Variants in PXDN observed in about 807,000 individuals in gnomAD.
PXDN encodes peroxidasin.
Under a neutral mutation model 140.3 loss-of-function variants are expected in PXDN, and 77 were observed. The ratio of observed to expected loss-of-function variants is 0.55; its 90% CI spans 0.46 to 0.66. The LOEUF is 0.66. Among genes scored for constraint, PXDN ranks in the 30% least tolerant of loss-of-function variants. PXDN has a pLI of 0.00. For synonymous variants in PXDN, 911 were observed against 857.4 expected, an observed-to-expected ratio of 1.06 and a Z score of -1.09; for missense variants, 1,838 against 2,039.5, an observed-to-expected ratio of 0.90 and a Z score of 1.90.
At chr2:1,727,606 C>T (rs1212197646) in intron 1 of PXDN, among the ~76,000 whole-genome samples, 1 of 152,162 alleles carries the variant, frequency 6.6e-6, no homozygotes, top group East Asian at 1.9e-4. Flanking sequence ...TTTTCCTCAG[C>T]CCTCAGTTAG....
At chr2:1,716,440 G>GA (rs550784477) in intron 1 of PXDN, among the ~76,000 whole-genome samples, 2,175 of 58,048 alleles carry the variant, frequency 0.037, 151 homozygotes, top group Non-Finnish European at 0.046. Context: ...TCCATCTCAG[G>GA]AAAAAAAAAA....
In PXDN at chr2:1,685,857, G is replaced by C. The variant is rs1011072144; in HGVS notation, c.417-1706C>G. Among the ~76,000 whole-genome samples the C allele has an allele frequency of 5.9e-5, 9 of 152,066 alleles. No individual in the cohort carries two copies. The highest frequency in any genetic ancestry group is 2.2e-4 in the African/African-American group (9 of 41,404). ...AATTGAGGAAACAGGACCAAAGACA[G>C]GAAATGGCTCCCCAAGTATACTGAG... is the stretch of plus-strand genomic sequence containing the variant. On this transcript the variant is annotated intron_variant, in intron 4 of 22. Transcript: ENST00000252804. This position sits in a 1 kb window ranked among gnomAD's most constrained non-coding sequence, Gnocchi z 5.1.
At chr2:1,638,387 C>T (rs892219054) in intron 21 of PXDN, among the ~76,000 whole-genome samples, 5 of 152,136 alleles carry the variant, frequency 3.3e-5, no homozygotes, top group African/African-American at 1.2e-4. Flanking sequence ...TCCCTGTGGT[C>T]GTACCACAGA....
chr2:1,700,312 T>C (rs1048461715), intron 1 of PXDN, among the ~76,000 whole-genome samples: 1 of 152,160 alleles, frequency 6.6e-6, no homozygotes, highest in Non-Finnish European at 1.5e-5. Context: ...TCTACCCGCC[T>C]CAGGCTCCCA....
chr2:1,712,958 C>A (rs1029090214), intron 1 of PXDN, among the ~76,000 whole-genome samples: 1 of 152,214 alleles, frequency 6.6e-6, no homozygotes, highest in Non-Finnish European at 1.5e-5. Context: ...CTCCTGATCT[C>A]GGGTGATCCA....
At position 1,687,989 on chromosome 2, in the gene PXDN, A is replaced by G. The variant is rs752011135; in HGVS notation, c.345-286T>C. On this transcript the variant is annotated intron_variant, in intron 3 of 22. Transcript: ENST00000252804. This position sits in a 1 kb window ranked among gnomAD's most constrained non-coding sequence, Gnocchi z 4.0. ...TTAGACTATGGCTAATGAATTGCTGACAATACATTTGCTTCAAAGCCTGAA... is the reference window on the plus strand; with the variant it reads ...TTAGACTATGGCTAATGAATTGCTGGCAATACATTTGCTTCAAAGCCTGAA... Among the ~76,000 whole-genome samples, 7 of 152,192 alleles carry G rather than the reference A, an allele frequency of 4.6e-5. No individual in the cohort carries two copies. Among genetic ancestry groups the G allele is most frequent in the Non-Finnish European group, 8.8e-5 (6 of 68,042 alleles).
chr2:1,652,594 C>G (rs1190432908), intron 16 of PXDN, among the ~76,000 whole-genome samples: 1 of 151,904 alleles, frequency 6.6e-6, no homozygotes, highest in African/African-American at 2.4e-5. Context: ...GCCCTGCCCC[C>G]ACCCCCGCCC....
intron 1 of PXDN, among the ~76,000 whole-genome samples, chr2:1,709,692 T>C (rs915002233): frequency 1.3e-5 from 2 of 152,170 alleles, no homozygotes; most frequent in African/African-American, 4.8e-5. Flanking sequence ...GCGGTGGTGT[T>C]ATCAGGAGGG....
intron 15 of PXDN, 92 bp downstream of exon 15, chr2:1,654,308 T>C (rs1683078530): frequency 1.2e-6 from 1 of 810,936 alleles, no homozygotes; most frequent in Non-Finnish European, 2.0e-6. Flanking sequence ...TCAAAATTCA[T>C]ATATTAGAAC....
intron 6 of PXDN, among the ~76,000 whole-genome samples, chr2:1,683,339 C>T (rs1356147275): frequency 6.6e-5 from 10 of 152,114 alleles, no homozygotes; most frequent in Admixed American, 6.5e-4. Flanking sequence ...TTGCTTGAGC[C>T]CGGGAGGTTG....
In PXDN at chr2:1,660,684, G is replaced by C. The variant is rs1008645458; in HGVS notation, c.1837+197C>G. On this transcript the variant is annotated intron_variant, in intron 14 of 22. Coordinates refer to ENST00000252804, the MANE Select transcript of PXDN (RefSeq NM_012293.3). The surrounding 1 kb of genome is among the most constrained non-coding windows in gnomAD (Gnocchi z 4.6). ...CCGTGGATGGGCAGCAGGGCCTCCA[G>C]GTGCCTGTGTGGAGGGGAGGGGCTG... is the stretch of plus-strand genomic sequence containing the variant. Among the ~76,000 whole-genome samples the C allele has an allele frequency of 6.6e-6, 1 of 152,212 alleles. No homozygotes were observed. The highest frequency in any genetic ancestry group is 1.5e-5 in the Non-Finnish European group (1 of 68,044).
chr2:1,682,337 T>A (rs1683926043), intron 6 of PXDN, among the ~76,000 whole-genome samples: 1 of 152,168 alleles, frequency 6.6e-6, no homozygotes, highest in African/African-American at 2.4e-5. Flanking sequence ...TTGTGGTATT[T>A]TTATCCTAAA....
At chr2:1,666,896 C>T (rs889773543) in intron 9 of PXDN, among the ~76,000 whole-genome samples, 1 of 151,980 alleles carries the variant, frequency 6.6e-6, no homozygotes, top group African/African-American at 2.4e-5. Flanking sequence ...CAAATTTACT[C>T]ACAAAAAATG....
chr2:1,654,426 G>A lies in PXDN; in HGVS notation c.1920C>T (p.Asn640=), dbSNP rs1183968609. ...EAIATVDRAI[N]STRTHLFDSR... is the part of the protein sequence containing the mutation. ...TGTCAAACAAATGTGTTCGGGTTGA[G>A]TTTATAGCTCTGTCAACAGTCGCAA... is the stretch of plus-strand genomic sequence containing the variant. The change falls in exon 15 of 23, where the codon AAC becomes AAT. Residue 640 remains asparagine (N), a synonymous_variant. Coordinates refer to ENST00000252804, the MANE Select transcript of PXDN (RefSeq NM_012293.3). 1.9e-6 allele frequency: 3 copies of A among 1,613,664 alleles called. No individual in the cohort carries two copies. The East Asian group carries it at 6.7e-5, about 36-fold the overall frequency.
chr2:1,635,656 T>G (rs1682533856), intron 21 of PXDN, 135 bp from the exon 22 acceptor site: 2 of 754,954 alleles, frequency 2.6e-6, no homozygotes, highest in East Asian at 2.7e-5. Flanking sequence ...TCTGAAGAAC[T>G]TTTACAGAAT....
At chr2:1,692,379 G>A (rs761834209) in intron 2 of PXDN, 38 of 402,566 alleles carry the variant, frequency 9.4e-5, no homozygotes, top group Admixed American at 2.8e-4. Context: ...GTGGACAGAC[G>A]TGCCAGGAAA....
chr2:1,729,495 A>G (rs1685263639), intron 1 of PXDN, among the ~76,000 whole-genome samples: 1 of 152,004 alleles, frequency 6.6e-6, no homozygotes, highest in Admixed American at 6.6e-5. Flanking sequence ...ACAACAGGGA[A>G]AGCCCACCGT....
chr2:1,714,508 A>C lies in PXDN; in HGVS notation c.201-21374T>G, dbSNP rs769286744. On this transcript the variant is annotated intron_variant, in intron 1 of 22. Coordinates refer to ENST00000252804, the MANE Select transcript of PXDN (RefSeq NM_012293.3). The surrounding 1 kb of genome is among the most constrained non-coding windows in gnomAD (Gnocchi z 4.3). ...CAGCAATGACCGCGGGTCCACGCTC[A>C]GGGAAATGCCCCTCCCACAGCAGGC... 6.6e-6 allele frequency among the ~76,000 whole-genome samples: 1 copy of C among 152,158 alleles called. No homozygotes were observed. The highest frequency in any genetic ancestry group is 1.5e-5 in the Non-Finnish European group (1 of 68,030).
At chr2:1,669,780 A>T (rs1428674140) in intron 9 of PXDN, 1 of 152,210 alleles carries the variant, frequency 6.6e-6, no homozygotes, top group East Asian at 1.9e-4. Context: ...CAGAGGTTGC[A>T]GTGAGCTGAG....
Sources: gnomAD v4.1 joint callset for allele counts (sites outside exome capture counted in the v4.1 genomes callset) on GRCh38, gnomAD v4.1.1 for gene constraint, Gnocchi (gnomAD v3.1) non-coding constraint, MANE v1.5 for transcripts, NCBI Gene and HGNC (gene_info 2026-07-23, HGNC 2026-07-21) for gene names.